The following RARB variants were observed in gnomAD, a reference collection of about 807,000 sequenced individuals.
RARB encodes retinoic acid receptor beta, also known as HBV-activated protein.
In RARB, 17 loss-of-function variants were observed where a neutral mutation model predicts 51.9. That is an observed-to-expected ratio of 0.33 (90% confidence interval 0.22 to 0.49). The LOEUF (loss-of-function observed/expected upper bound fraction) is 0.49, where lower values mean the gene tolerates loss of function less well. Ranked by LOEUF, RARB falls within the 20% of genes least tolerant of loss-of-function variation. The probability of loss-of-function intolerance (pLI) is 0.99; values close to 1 mark genes in which losing one functional copy is unlikely to be tolerated. For synonymous variants in RARB, 215 were observed against 195.4 expected (o/e 1.10, Z -0.84); for missense variants, 369 against 550.8 (o/e 0.67, Z 3.30).
chr3:25,046,296 T>C (rs1575134454), intron 2 of RARB, among the ~76,000 whole-genome samples: 1 of 152,146 alleles, frequency 6.6e-6, no homozygotes, highest in Non-Finnish European at 1.5e-5. Context: ...AGGATCAAAA[T>C]AGTCAGTCTC....
rs1249406706 is a variant in RARB, at chr3:25,597,629, T to TTAATATTAACAACTCCC, written c.*1014_*1030dup. 6.8e-6 allele frequency: 1 copy of TTAATATTAACAACTCCC among 146,756 alleles called. No individual in the cohort carries two copies. The highest frequency in any genetic ancestry group is 1.5e-5 in the Non-Finnish European group (1 of 64,718). The allele number at this position is 146,756 out of a possible 1,614,324, so 9.1% of individuals were successfully genotyped here. A position where few individuals can be genotyped will look rare whatever the true frequency, so the allele number is the denominator to read the frequency against. ...AGCCTTCTTGATGCCAAGGGGCTAATTAATATTAACAACTCCCAAAGAAAC... is the reference window on the plus strand; with the variant it reads ...AGCCTTCTTGATGCCAAGGGGCTAATTAATATTAACAACTCCCTAATATTAACAACTCCCAAAGAAAC... On this transcript the variant is annotated 3_prime_UTR_variant, in exon 8 of 8. Transcript: ENST00000330688.
intron 2 of RARB, among the ~76,000 whole-genome samples, chr3:24,870,193 C>A (rs1175885531): frequency 6.6e-6 from 1 of 151,946 alleles, no homozygotes; most frequent in Non-Finnish European, 1.5e-5. Flanking sequence ...TTGATGAATA[C>A]AGTTTATTAA....
intron 2 of RARB, among the ~76,000 whole-genome samples, chr3:25,031,224 T>G (rs1165175250): frequency 5.3e-5 from 8 of 152,170 alleles, no homozygotes; most frequent in Non-Finnish European, 1.5e-5. Flanking sequence ...ACAAAAGTGC[T>G]TCCCCTTCCA....
At chr3:25,166,695 T>C (rs1700566863) in intron 4 of RARB, among the ~76,000 whole-genome samples, 1 of 152,212 alleles carries the variant, frequency 6.6e-6, no homozygotes, top group South Asian at 2.1e-4. Context: ...AAATCTTGTC[T>C]GTTTTGTTGC....
intron 5 of RARB, among the ~76,000 whole-genome samples, chr3:25,334,140 A>G (rs1167867303): frequency 6.6e-6 from 1 of 152,214 alleles, no homozygotes; most frequent in Non-Finnish European, 1.5e-5. Context: ...GGGATCTAGA[A>G]CTAGAAATAC....
chr3:24,859,818 G>A (rs1225577539), intron 2 of RARB, among the ~76,000 whole-genome samples: 1 of 152,178 alleles, frequency 6.6e-6, no homozygotes, highest in Non-Finnish European at 1.5e-5. Context: ...TAGCAATAAA[G>A]CAGCCCTGGA....
chr3:25,123,476 T>C (rs1699814936), intron 3 of RARB, among the ~76,000 whole-genome samples: 1 of 152,220 alleles, frequency 6.6e-6, no homozygotes, highest in African/African-American at 2.4e-5. Flanking sequence ...TTGTTTCTTT[T>C]CTACACATGT....
At chr3:25,287,681 C>A (rs1353056564) in intron 5 of RARB, among the ~76,000 whole-genome samples, 1 of 152,164 alleles carries the variant, frequency 6.6e-6, no homozygotes, top group South Asian at 2.1e-4. Context: ...TGATGCAATG[C>A]ATGGAAAACC....
At chr3:25,583,389 A>G (rs1366198715) in intron 5 of RARB, among the ~76,000 whole-genome samples, 2 of 152,200 alleles carry the variant, frequency 1.3e-5, no homozygotes, top group African/African-American at 4.8e-5. Context: ...CTCAGACCCT[A>G]GAAAGGAAAC....
chr3:25,300,295 A>G (rs1704010115), intron 5 of RARB, among the ~76,000 whole-genome samples: 1 of 152,238 alleles, frequency 6.6e-6, no homozygotes, highest in Non-Finnish European at 1.5e-5. Flanking sequence ...ATGCTGTAAA[A>G]TGTGGCACAC....
chr3:24,955,096 G>C (rs1175721420), intron 2 of RARB, among the ~76,000 whole-genome samples: 2 of 152,166 alleles, frequency 1.3e-5, no homozygotes, highest in Admixed American at 6.5e-5. Context: ...GTCGCATGAA[G>C]GGTTTGAATG....
chr3:25,536,068 C>T (rs1206057841), intron 3 of RARB, among the ~76,000 whole-genome samples: 1 of 152,202 alleles, frequency 6.6e-6, no homozygotes, highest in East Asian at 1.9e-4. Context: ...TCCCCATCCA[C>T]TCTCACCTAC....
At position 24,895,735 on chromosome 3, in the gene RARB, A is replaced by T. The variant is rs752515217; in HGVS notation, c.-380+36983A>T. 2.5e-3 allele frequency among the ~76,000 whole-genome samples: 380 copies of T among 152,138 alleles called. 4 individuals carry two copies. The highest frequency in any genetic ancestry group is 3.0e-3 in the Non-Finnish European group (203 of 68,016). ...CAGAAAAATAACGAGTATTGATACG[A>T]ATGTGGGGAAATAATAATCTTTGTG... On this transcript the variant is annotated intron_variant, in intron 2 of 11. Coordinates refer to the RARB transcript ENST00000383772.
At position 25,253,231 on chromosome 3, in the gene RARB, G is replaced by A. The variant is rs1020016391; in HGVS notation, c.178+78656G>A. 3.3e-5 allele frequency among the ~76,000 whole-genome samples: 5 copies of A among 152,254 alleles called. No homozygotes were observed. The South Asian group carries it at 1.0e-3, about 32-fold the overall frequency. ...ACAAAGCTGACACTTTGATACACAT[G>A]TGTTTTTTTATTCTATTCTCTATCA... On this transcript the variant is annotated intron_variant, in intron 5 of 11. Transcript: ENST00000383772.
rs146865445 is a variant in RARB, at chr3:25,133,187, G to A, written c.-280+979G>A. ...AGTATACGTGAAATAAATTTATTAA[G>A]ATGTTCGTAAATATCTTAAACATTT... On this transcript the variant is annotated intron_variant, in intron 4 of 11. Coordinates refer to the RARB transcript ENST00000383772. Among the ~76,000 whole-genome samples, 3 of 152,034 alleles carry A rather than the reference G, an allele frequency of 2.0e-5. No individual in the cohort carries two copies. The East Asian group carries it at 5.8e-4, about 29-fold the overall frequency.
intron 5 of RARB, among the ~76,000 whole-genome samples, chr3:25,391,829 A>G (rs1706968591): frequency 6.9e-6 from 1 of 144,626 alleles, no homozygotes; most frequent in African/African-American, 2.5e-5. Flanking sequence ...ATTTTCTCCC[A>G]CTCGGTGGGT....
rs931168111 is a variant in RARB at position 24,901,987 on chromosome 3, T to C, written c.-380+43235T>C. 3.3e-5 allele frequency among the ~76,000 whole-genome samples: 5 copies of C among 151,216 alleles called. No individual in the cohort carries two copies. In the East Asian group the frequency reaches 9.7e-4, roughly 29 times the overall value. On this transcript the variant is annotated intron_variant, in intron 2 of 11. Coordinates refer to the RARB transcript ENST00000383772. ...CTTTTGCACCAACCTAATATAGCAA[T>C]ATATATAAAATATAAATATATATAA...
At chr3:25,212,656 A>T (rs957607004) in intron 5 of RARB, among the ~76,000 whole-genome samples, 1 of 152,194 alleles carries the variant, frequency 6.6e-6, no homozygotes, top group Non-Finnish European at 1.5e-5. Flanking sequence ...TTCTGAGACA[A>T]TGTGCTATCC....
At chr3:25,373,457 C>A (rs1706363221) in intron 5 of RARB, among the ~76,000 whole-genome samples, 1 of 152,116 alleles carries the variant, frequency 6.6e-6, no homozygotes, top group African/African-American at 2.4e-5. Context: ...ACTTCTGAGA[C>A]ACTGCTTTTG....
Sources: allele counts gnomAD v4.1 joint callset (sites outside exome capture counted in the v4.1 genomes callset), GRCh38; gene constraint gnomAD v4.1.1; transcripts MANE v1.5; gene names NCBI Gene and HGNC (gene_info 2026-07-23, HGNC 2026-07-21).